ARMC3: variants seen among roughly 807,000 people sequenced by gnomAD.
The protein encoded by ARMC3 is armadillo repeat-containing protein 3.
ARMC3 carries 74 observed loss-of-function variants against 90.3 expected under a neutral mutation model. That is an observed-to-expected ratio of 0.82 (90% confidence interval 0.68 to 0.99). The LOEUF (loss-of-function observed/expected upper bound fraction) is 0.99, where lower values mean the gene tolerates loss of function less well. Ranked by LOEUF, ARMC3 falls within the 50% of genes least tolerant of loss-of-function variation. ARMC3 has a pLI of 0.00. For synonymous variants in ARMC3, 334 were observed against 361.8 expected (o/e 0.92, Z 0.87); for missense variants, 958 against 1,042.8 (o/e 0.92, Z 1.12).
intron 16 of ARMC3, among the ~76,000 whole-genome samples, chr10:23,012,894 T>C (rs1197414648): frequency 2.7e-5 from 4 of 149,534 alleles, no homozygotes; most frequent in East Asian, 2.0e-4. Flanking sequence ...CCCACCTTTT[T>C]TTTTTTTTTT....
intron 2 of ARMC3, among the ~76,000 whole-genome samples, chr10:22,945,730 T>G (rs1277868057): frequency 6.6e-6 from 1 of 152,234 alleles, no homozygotes; most frequent in Non-Finnish European, 1.5e-5. Flanking sequence ...GATAAACATC[T>G]GTCATGTGCC....
At chr10:23,010,973 T>TTCTCTCCTTCCCTTTTCTCC (rs1837987584) in intron 16 of ARMC3, among the ~76,000 whole-genome samples, 1 of 65,364 alleles carries the variant, frequency 1.5e-5, no homozygotes, top group Non-Finnish European at 3.1e-5. Flanking sequence ...CCCTTCCCTC[T>TTCTCTCCTTCCCTTTTCTCC]TCTCTCCTTC....
chr10:22,992,617 T>C (rs1306621526), intron 10 of ARMC3, among the ~76,000 whole-genome samples: 1 of 152,228 alleles, frequency 6.6e-6, no homozygotes, highest in Non-Finnish European at 1.5e-5. Flanking sequence ...TTGGCTAGTT[T>C]TGTCAACCTG....
In ARMC3 at chr10:23,008,923, A is replaced by G; in HGVS notation, c.2037A>G (p.Lys679=). 1.2e-6 allele frequency: 2 copies of G among 1,612,352 alleles called. No individual in the cohort carries two copies. Among genetic ancestry groups the G allele is most frequent in the Non-Finnish European group, 1.7e-6 (2 of 1,178,946 alleles). Residue 679 remains lysine, a synonymous_variant, in exon 16 of 19, where the codon AAA becomes AAG. Transcript: ENST00000298032. ...TCAGCAAAAGCGCCACCAAAGAAAAAGGATGGAGGTAAGAAAGTGTCCTGA... is the reference window on the plus strand; with the variant it reads ...TCAGCAAAAGCGCCACCAAAGAAAAGGGATGGAGGTAAGAAAGTGTCCTGA... The part of the protein sequence containing the change: ...TVLSKSATKE[K]GWRKSKGKKE...
intron 10 of ARMC3, among the ~76,000 whole-genome samples, chr10:22,985,046 ATTTTTTTTTT>A (rs535085393): frequency 4.5e-4 from 38 of 83,568 alleles, no homozygotes; most frequent in Middle Eastern, 6.9e-3. Context: ...TTAATTTTTC[ATTTTTTTTTT>A]TTTTTTTTTT....
At chr10:23,018,514 A>ATTTTTTTT (rs5783816) in intron 16 of ARMC3, among the ~76,000 whole-genome samples, 10 of 115,478 alleles carry the variant, frequency 8.7e-5, no homozygotes, top group Admixed American at 9.9e-5. Context: ...CACCTTAGTA[A>ATTTTTTTT]TTTTTTTTTT....
intron 16 of ARMC3, among the ~76,000 whole-genome samples, chr10:23,022,552 C>G (rs1449545295): frequency 6.6e-6 from 1 of 152,160 alleles, no homozygotes; most frequent in East Asian, 1.9e-4. Context: ...GAAGGCCCCC[C>G]AGCCTAGCAA....
intron 2 of ARMC3, among the ~76,000 whole-genome samples, chr10:22,934,770 G>T (rs1834050570): frequency 6.6e-6 from 1 of 152,170 alleles, no homozygotes; most frequent in Non-Finnish European, 1.5e-5. Context: ...AAAATGCTTA[G>T]AACAGTGCCT....
At chr10:22,960,132 A>G (rs185202704) in intron 6 of ARMC3, 54 of 249,494 alleles carry the variant, frequency 2.2e-4, no homozygotes, top group African/African-American at 1.3e-3. Context: ...TTGCACCCCA[A>G]CCCCCAGAAT....
intron 15 of ARMC3, among the ~76,000 whole-genome samples, chr10:23,008,603 T>C (rs565029421): frequency 4.3e-4 from 66 of 152,340 alleles, no homozygotes; most frequent in Middle Eastern, 3.4e-3. Flanking sequence ...TTGGGCCACA[T>C]GACTTAGTGT....
chr10:22,940,658 T>C (rs1834291281), intron 2 of ARMC3, among the ~76,000 whole-genome samples: 1 of 152,138 alleles, frequency 6.6e-6, no homozygotes, highest in South Asian at 2.1e-4. Flanking sequence ...GCTAATTTTT[T>C]CACTTTTTGT....
At chr10:23,006,844 C>T in intron 13 of ARMC3, 40 bp from the exon 14 acceptor site, 1 of 1,567,780 alleles carries the variant, frequency 6.4e-7, no homozygotes, top group South Asian at 1.1e-5. Flanking sequence ...AAATATGACC[C>T]CTGCAGATAC....
intron 16 of ARMC3, among the ~76,000 whole-genome samples, chr10:23,023,871 G>A (rs192588448): frequency 6.6e-6 from 1 of 152,024 alleles, no homozygotes; most frequent in Non-Finnish European, 1.5e-5. Context: ...AATAATAAAA[G>A]ATCCAACATT....
chr10:22,955,552 C>T (rs906694725), intron 3 of ARMC3, among the ~76,000 whole-genome samples: 5 of 151,976 alleles, frequency 3.3e-5, no homozygotes, highest in East Asian at 1.9e-4. Context: ...AGGGTGATTG[C>T]GGGGGACTGC....
chr10:22,979,421 A>C (rs185302830), intron 8 of ARMC3, among the ~76,000 whole-genome samples: 2 of 152,310 alleles, frequency 1.3e-5, no homozygotes, highest in Admixed American at 1.3e-4. Flanking sequence ...AGTCCCAGCA[A>C]GGTTGAGAAA....
rs75389476 is a variant in ARMC3, at chr10:23,017,688, G to C, written c.2045+8757G>C. On this transcript the variant is annotated intron_variant, in intron 16 of 18. Coordinates refer to ENST00000298032, the MANE Select transcript of ARMC3 (RefSeq NM_173081.5). ...GCTGAAGCAGGAGAATCAGCTTGAG[G>C]CTGGGAGACAGAGGTTGCAGTGAGC... is the stretch of plus-strand genomic sequence containing the variant. Among the ~76,000 whole-genome samples, 14 of 152,368 alleles carry C rather than the reference G, an allele frequency of 9.2e-5. No individual in the cohort carries two copies. In the East Asian group the frequency reaches 2.7e-3, roughly 29 times the overall value.
At chr10:23,015,055 G>A (rs1444117045) in intron 16 of ARMC3, among the ~76,000 whole-genome samples, 3 of 151,830 alleles carry the variant, frequency 2.0e-5, no homozygotes, top group East Asian at 1.9e-4. Context: ...ATGAGACATC[G>A]AGAACCATGG....
chr10:22,956,431 C>T (rs1052994589), intron 4 of ARMC3, among the ~76,000 whole-genome samples: 1 of 151,956 alleles, frequency 6.6e-6, no homozygotes, highest in South Asian at 2.1e-4. Flanking sequence ...GGTGAAACCC[C>T]GTCTCTACTA....
intron 16 of ARMC3, among the ~76,000 whole-genome samples, chr10:23,010,959 T>TCC (rs1564394824): frequency 1.0e-3 from 40 of 39,858 alleles, no homozygotes; most frequent in Non-Finnish European, 1.5e-3. Flanking sequence ...CCTTCCCTGT[T>TCC]CTTCCCTTCC....
Sources: allele counts gnomAD v4.1 joint callset (sites outside exome capture counted in the v4.1 genomes callset), GRCh38; gene constraint gnomAD v4.1.1; transcripts MANE v1.5; gene names NCBI Gene and HGNC (gene_info 2026-07-23, HGNC 2026-07-21).